The following DPP10 variants were observed in gnomAD, a reference collection of about 807,000 sequenced individuals.
DPP10 encodes the protein dipeptidyl peptidase like 10.
Under a neutral mutation model 120.9 loss-of-function variants are expected in DPP10, and 33 were observed. That is an observed-to-expected ratio of 0.27 (90% CI 0.21 to 0.37). The LOEUF is 0.37. DPP10 is among the 10% of genes least tolerant of loss of function. The pLI, the probability that DPP10 is intolerant of heterozygous loss-of-function variation, is 1.00. For synonymous variants in DPP10, 337 were observed against 326.1 expected (o/e 1.03, Z -0.36); for missense variants, 816 against 942.8 (o/e 0.87, Z 1.76).
At chr2:115,111,600 G>A (rs372312200) in intron 1 of DPP10, among the ~76,000 whole-genome samples, 97 of 152,144 alleles carry the variant, frequency 6.4e-4, no homozygotes, top group African/African-American at 1.9e-3. Flanking sequence ...GGTGACTCTC[G>A]TCAACCAGGA....
At chr2:115,199,616 G>C (rs747678966) in intron 1 of DPP10, among the ~76,000 whole-genome samples, 1 of 152,066 alleles carries the variant, frequency 6.6e-6, no homozygotes, top group Non-Finnish European at 1.5e-5. Flanking sequence ...CTTACCAAAA[G>C]AATTGGGAGA....
At chr2:115,666,175 G>C (rs540247728) in intron 5 of DPP10, among the ~76,000 whole-genome samples, 1 of 152,064 alleles carries the variant, frequency 6.6e-6, no homozygotes, top group African/African-American at 2.4e-5. Flanking sequence ...GTTCATTTAG[G>C]ATTGTTTTAG....
At chr2:115,183,426 C>T (rs2054217072) in intron 1 of DPP10, among the ~76,000 whole-genome samples, 1 of 152,098 alleles carries the variant, frequency 6.6e-6, no homozygotes, top group Non-Finnish European at 1.5e-5. Context: ...TCTTGCCTCC[C>T]TCAGGCTTTG....
At position 115,355,582 on chromosome 2, in the gene DPP10, T is replaced by C. The variant is rs564137274; in HGVS notation, c.271+11670T>C. ...TCAATTAGATCCCATTTGTCAATTTTCCTTTTGTTGCAATTGCTTTTGGCA... is the reference window on the plus strand; with the variant it reads ...TCAATTAGATCCCATTTGTCAATTTCCCTTTTGTTGCAATTGCTTTTGGCA... On this transcript the variant is annotated intron_variant, in intron 3 of 25. Coordinates refer to ENST00000410059, the MANE Select transcript of DPP10 (RefSeq NM_020868.6). Among the ~76,000 whole-genome samples the C allele has an allele frequency of 5.3e-5, 8 of 152,318 alleles. No homozygotes were observed. The East Asian group carries it at 1.2e-3, about 22-fold the overall frequency.
chr2:114,679,112 C>A (rs533127123), intron 1 of DPP10, among the ~76,000 whole-genome samples: 7 of 152,122 alleles, frequency 4.6e-5, no homozygotes, highest in Admixed American at 4.6e-4. Context: ...TCTGATTACA[C>A]CCCAGTGGTT....
intron 1 of DPP10, among the ~76,000 whole-genome samples, chr2:114,900,823 T>C (rs1018974500): frequency 6.6e-6 from 1 of 152,180 alleles, no homozygotes; most frequent in Non-Finnish European, 1.5e-5. Context: ...TCTTTAAACT[T>C]TGCAGCTAAA....
chr2:115,535,915 G>A (rs2078801717), intron 5 of DPP10, among the ~76,000 whole-genome samples: 1 of 151,844 alleles, frequency 6.6e-6, no homozygotes, highest in Admixed American at 6.6e-5. Context: ...TTCTCTGTTT[G>A]TCTGTTGTTG....
chr2:115,310,640 T>C (rs970948893), intron 2 of DPP10, among the ~76,000 whole-genome samples: 3 of 152,142 alleles, frequency 2.0e-5, no homozygotes, highest in Non-Finnish European at 4.4e-5. Flanking sequence ...GAACCTTTTC[T>C]TAACTGCCTC....
intron 1 of DPP10, among the ~76,000 whole-genome samples, chr2:115,100,630 C>A (rs12467030): frequency 0.21 from 31,248 of 151,790 alleles, 3,951 homozygotes; most frequent in East Asian, 0.36. Flanking sequence ...GCTTAGGTAT[C>A]CAAAGTGGCG....
At chr2:115,382,079 A>G (rs1391858956) in intron 3 of DPP10, among the ~76,000 whole-genome samples, 2 of 152,022 alleles carry the variant, frequency 1.3e-5, no homozygotes, top group African/African-American at 2.4e-5. Context: ...GGTGGGCTCC[A>G]CCCAGTTCAG....
intron 1 of DPP10, among the ~76,000 whole-genome samples, chr2:114,597,821 A>G (rs1364616711): frequency 6.6e-6 from 1 of 151,878 alleles, no homozygotes; most frequent in Non-Finnish European, 1.5e-5. Flanking sequence ...TCACTTGCCT[A>G]TATCCTAGTT....
intron 1 of DPP10, among the ~76,000 whole-genome samples, chr2:114,698,297 G>A (rs942969201): frequency 6.6e-6 from 1 of 152,018 alleles, no homozygotes; most frequent in Non-Finnish European, 1.5e-5. Context: ...GAGGCCTCTT[G>A]CCTGGAGCTA....
intron 3 of DPP10, among the ~76,000 whole-genome samples, chr2:115,352,141 G>A (rs2064074754): frequency 2.6e-5 from 4 of 152,050 alleles, no homozygotes; most frequent in South Asian, 2.1e-4. Flanking sequence ...ACCTAGGTAT[G>A]CAATGATCAA....
At chr2:114,447,237 C>T (rs1166662325) in intron 1 of DPP10, among the ~76,000 whole-genome samples, 1 of 151,886 alleles carries the variant, frequency 6.6e-6, no homozygotes, top group African/African-American at 2.4e-5. Flanking sequence ...CCTCATTATC[C>T]ACCCCTCTCA....
intron 1 of DPP10, among the ~76,000 whole-genome samples, chr2:114,909,622 G>A (rs1385573622): frequency 1.3e-5 from 2 of 152,054 alleles, no homozygotes; most frequent in Non-Finnish European, 2.9e-5. Context: ...AAAAAAACTA[G>A]TGCTCTCCAA....
chr2:115,370,396 G>A (rs919085972), intron 3 of DPP10, among the ~76,000 whole-genome samples: 8 of 152,148 alleles, frequency 5.3e-5, no homozygotes, highest in East Asian at 1.9e-4. Context: ...GCTTGATCTC[G>A]AAAGCTGTAG....
chr2:115,182,013 G>A (rs780909539), intron 1 of DPP10, among the ~76,000 whole-genome samples: 5 of 152,102 alleles, frequency 3.3e-5, no homozygotes, highest in African/African-American at 4.8e-5. Context: ...TCTTTCATGT[G>A]CAGTGATGCT....
intron 1 of DPP10, among the ~76,000 whole-genome samples, chr2:114,644,334 GT>G (rs1210945030): frequency 6.7e-6 from 1 of 149,182 alleles, no homozygotes; most frequent in African/African-American, 2.6e-5. Flanking sequence ...AGTTTCCTCT[GT>G]GTGTGTCTGT....
chr2:115,558,677 A>C (rs200916219), intron 5 of DPP10, among the ~76,000 whole-genome samples: 2 of 152,060 alleles, frequency 1.3e-5, no homozygotes, highest in African/African-American at 4.8e-5. Flanking sequence ...TCAGGTTTTC[A>C]TACTAAAAAA....
Sources: gnomAD v4.1 joint callset for allele counts (sites outside exome capture counted in the v4.1 genomes callset) on GRCh38, gnomAD v4.1.1 for gene constraint, MANE v1.5 for transcripts, NCBI Gene and HGNC (gene_info 2026-07-23, HGNC 2026-07-21) for gene names.